The following ILDR2 variants were observed in gnomAD, a reference collection of about 807,000 sequenced individuals.
ILDR2 encodes the protein immunoglobulin like domain containing receptor 2.
ILDR2 carries 25 observed loss-of-function variants against 66.8 expected under a neutral mutation model. The ratio of observed to expected loss-of-function variants is 0.37; its 90% confidence interval spans 0.27 to 0.52. The LOEUF (loss-of-function observed/expected upper bound fraction) is 0.52, where lower values mean the gene tolerates loss of function less well. Ranked by LOEUF, ILDR2 falls within the 20% of genes least tolerant of loss-of-function variation. ILDR2 has a pLI of 0.88. For missense variants in ILDR2, 827 were observed against 876.8 expected, an observed-to-expected ratio of 0.94 and a Z score of 0.72; for synonymous variants, 367 against 357.2, an observed-to-expected ratio of 1.03 and a Z score of -0.31.
At chr1:166,897,871 A>G (rs1343511120) in intron 2 of ILDR2, among the ~76,000 whole-genome samples, 3 of 152,214 alleles carry the variant, frequency 2.0e-5, no homozygotes, top group Non-Finnish European at 2.9e-5. Flanking sequence ...AAGTTGTTCT[A>G]ATAAATTATT....
intron 6 of ILDR2, among the ~76,000 whole-genome samples, chr1:166,928,845 A>T (rs1216470887): frequency 6.6e-6 from 1 of 152,198 alleles, no homozygotes; most frequent in Non-Finnish European, 1.5e-5. Flanking sequence ...AAAATTAATG[A>T]ATCTCAGCAC....
At chr1:166,940,380 C>T (rs1661237216) in intron 3 of ILDR2, among the ~76,000 whole-genome samples, 1 of 152,144 alleles carries the variant, frequency 6.6e-6, no homozygotes, top group Admixed American at 6.5e-5. Context: ...ATGATGAATG[C>T]TTTCATCATG....
In ILDR2 at chr1:166,918,817, TTTTGA is replaced by T. The variant is rs1659740114; in HGVS notation, c.*533_*537del. 6.4e-6 allele frequency: 1 copy of T among 157,470 alleles called. No homozygotes were observed. The highest frequency in any genetic ancestry group is 6.5e-5 in the Admixed American group (1 of 15,432). 9.8% of individuals were successfully genotyped at this position (157,470 alleles called of 1,614,324 possible). On this transcript the variant is annotated 3_prime_UTR_variant, in exon 10 of 10. Transcript: ENST00000271417. ...ACTGTCACTGAGCTCACCAAAGGCCTTTTGATTTTAGTGTAACAACAGTCATTGAC... is the reference window on the plus strand; with the variant it reads ...ACTGTCACTGAGCTCACCAAAGGCCTTTTTAGTGTAACAACAGTCATTGAC...
downstream of ILDR2, among the ~76,000 whole-genome samples, chr1:166,905,092 G>A (rs118174409): frequency 3.3e-5 from 5 of 152,298 alleles, no homozygotes; most frequent in East Asian, 9.6e-4. Context: ...AAAGGGGATT[G>A]TATTCATAAT....
chr1:166,945,390 G>A (rs990006343), intron 3 of ILDR2, among the ~76,000 whole-genome samples: 2 of 152,174 alleles, frequency 1.3e-5, no homozygotes, highest in Non-Finnish European at 2.9e-5. Context: ...ACATTCACAC[G>A]CTTTGGATTA....
In ILDR2 at chr1:166,910,758, TAA is replaced by T. The variant is rs1360422240; in HGVS notation, c.*8595_*8596del. ...TTAGGATGTCTCTGCCAAGATTTTC[TAA>T]GAGAACCTGAAATTAGCCTACTTCT... On this transcript the variant is annotated 3_prime_UTR_variant, in exon 10 of 10. Transcript: ENST00000271417. 2.0e-5 allele frequency: 3 copies of T among 152,270 alleles called. No homozygotes were observed. The highest frequency in any genetic ancestry group is 1.3e-4 in the Admixed American group (2 of 15,288). 9.4% of individuals were successfully genotyped at this position (152,270 alleles called of 1,614,324 possible). A position where few individuals can be genotyped will look rare whatever the true frequency, so the allele number is the denominator to read the frequency against.
At chr1:166,964,139 T>TAA (rs71073632) in intron 1 of ILDR2, among the ~76,000 whole-genome samples, 3,851 of 142,062 alleles carry the variant, frequency 0.027, 164 homozygotes, top group African/African-American at 0.094. Context: ...AATCTAAAAA[T>TAA]AAAAAAAAAA....
Position 166,912,969 on chromosome 1 carries a change from A to T in ILDR2, c.*6386T>A, listed in dbSNP as rs953858571. On this transcript the variant is annotated 3_prime_UTR_variant, in exon 10 of 10. Coordinates refer to ENST00000271417, the MANE Select transcript of ILDR2 (RefSeq NM_199351.3). Reference sequence around the variant, plus strand: ...TCCTTCTGAATGTTACAGTCTGTGGAGAGCAGTAAGAGTGACAACAGAATT... The same window carrying T: ...TCCTTCTGAATGTTACAGTCTGTGGTGAGCAGTAAGAGTGACAACAGAATT... 3.3e-5 allele frequency: 5 copies of T among 152,174 alleles called. No homozygotes were observed. Among genetic ancestry groups the T allele is most frequent in the African/African-American group, 1.2e-4 (5 of 41,440 alleles). The allele number at this position is 152,174 out of a possible 1,614,324, so 9.4% of individuals were successfully genotyped here.
rs1218826255 is a variant in ILDR2 at position 166,935,393 on chromosome 1, G to A, written c.788C>T (p.Pro263Leu). 1.1e-5 allele frequency: 17 copies of A among 1,613,888 alleles called. No individual in the cohort carries two copies. In the East Asian group the frequency reaches 3.8e-4, roughly 36 times the overall value. Reference protein sequence around the residue: ...VPGPYSIPSVPLGGAPSSGML... With the variant: ...VPGPYSIPSVLLGGAPSSGML... ...GCCAGATGAGGGGGCTCCTCCCAAA[G>A]GGACAGAGGGGATGGAGTAAGGGCC... The change falls in exon 6 of 10, where the codon CCT becomes CTT. Residue 263 changes from proline to leucine, a missense_variant. Transcript: ENST00000271417.
chr1:166,900,934 T>C (rs1041790605), intron 2 of ILDR2, among the ~76,000 whole-genome samples: 8 of 152,186 alleles, frequency 5.3e-5, no homozygotes, highest in African/African-American at 1.9e-4. Flanking sequence ...ACCTTCTCCA[T>C]TCGACTTTTG....
rs1557921377 is a variant in ILDR2 at position 166,909,781 on chromosome 1, T to TATATATATATATATATA, written c.*9573_*9574insTATATATATATATATAT. ...TATAAATATATATAAATATATATAT[T>TATATATATATATATATA]TATATATATATATATATATATATAT... is the stretch of plus-strand genomic sequence containing the variant. On this transcript the variant is annotated 3_prime_UTR_variant, in exon 10 of 10. Transcript: ENST00000271417. 9.3e-5 allele frequency: 6 copies of TATATATATATATATATA among 64,244 alleles called. No homozygotes were observed. Among genetic ancestry groups the TATATATATATATATATA allele is most frequent in the Non-Finnish European group, 1.1e-4 (4 of 34,828 alleles). The allele number at this position is 64,244 out of a possible 1,614,324, so 4.0% of individuals were successfully genotyped here.
chr1:166,936,565 G>A lies in ILDR2; in HGVS notation c.703+26C>T. Reference sequence around the variant, plus strand: ...GGTAGACATTTCTCTCGATCGCTCTGTCTCCCCAGCGGTCACTGTACTCAC... The same window carrying A: ...GGTAGACATTTCTCTCGATCGCTCTATCTCCCCAGCGGTCACTGTACTCAC... On this transcript the variant is annotated intron_variant, in intron 5 of 9. Transcript: ENST00000271417. The surrounding 1 kb of genome is among the most constrained non-coding windows in gnomAD (Gnocchi z 5.0). The A allele has an allele frequency of 1.2e-6, 2 of 1,614,030 alleles. No individual in the cohort carries two copies. The highest frequency in any genetic ancestry group is 1.7e-6 in the Non-Finnish European group (2 of 1,179,968).
At chr1:166,957,254 T>C (rs913434104) in intron 2 of ILDR2, among the ~76,000 whole-genome samples, 1 of 152,232 alleles carries the variant, frequency 6.6e-6, no homozygotes, top group Admixed American at 6.5e-5. Context: ...ATCGGACTCT[T>C]GGGACCTTTT....
intron 1 of ILDR2, among the ~76,000 whole-genome samples, chr1:166,958,791 T>G (rs1026725234): frequency 6.6e-6 from 1 of 152,208 alleles, no homozygotes; most frequent in African/African-American, 2.4e-5. Context: ...ATTACAATAA[T>G]CTTTTGTTTG....
At position 166,920,823 on chromosome 1, in the gene ILDR2, C is replaced by CGTCGTCGGACGCGTCCTCCTG; in HGVS notation, c.1747_1767dup (p.Gln583_Asp589dup). The CGTCGTCGGACGCGTCCTCCTG allele has an allele frequency of 6.6e-7, 1 of 1,520,324 alleles. No homozygotes were observed. The allele number at this position is 1,520,324 out of a possible 1,614,324, so 94.2% of individuals were successfully genotyped here. ...TCCAGCTCGCTGTAGGGCGGCAGCG[C>CGTCGTCGGACGCGTCCTCCTG]GTCGTCGGACGCGTCCTCCTGGTCG... On this transcript the variant is annotated inframe_insertion, in exon 9 of 10. Transcript: ENST00000271417.
chr1:166,957,734 C>T (rs754703609), intron 2 of ILDR2, 35 bp downstream of exon 2: 6 of 1,541,580 alleles, frequency 3.9e-6, no homozygotes, highest in Non-Finnish European at 5.3e-6. Flanking sequence ...TAACCTCCCT[C>T]CCATTTCCTA....
At chr1:166,919,848 C>T (rs1305710308) in intron 9 of ILDR2, among the ~76,000 whole-genome samples, 2 of 152,110 alleles carry the variant, frequency 1.3e-5, no homozygotes, top group Admixed American at 6.5e-5. Flanking sequence ...CTAAAGAAAA[C>T]GTCCAGCTTG....
intron 1 of ILDR2, among the ~76,000 whole-genome samples, chr1:166,961,942 G>A (rs1045134171): frequency 2.0e-5 from 3 of 152,156 alleles, no homozygotes; most frequent in African/African-American, 4.8e-5. Context: ...AACCCTGCAC[G>A]TGTATGCACA....
Position 166,920,786 on chromosome 1 carries a change from C to A in ILDR2, c.1805G>T (p.Gly602Val), listed in dbSNP as rs1333677851. ...PPYSELELTR[G>V]PSYRGRDLPY... The stretch of plus-strand genomic sequence containing the variant: ...CAGGTCGCGGCCGCGGTAGGACGGG[C>A]CGCGGGTCAGCTCCAGCTCGCTGTA... The change falls in exon 9 of 10, where the codon GGC becomes GTC. Residue 602 changes from glycine (G) to valine (V), a missense_variant. Gly to Val is a moderately radical substitution (Grantham distance 109). Coordinates refer to ENST00000271417, the MANE Select transcript of ILDR2 (RefSeq NM_199351.3). 1 of 1,526,358 alleles carries A rather than the reference C, an allele frequency of 6.6e-7. No individual in the cohort carries two copies. Among genetic ancestry groups the A allele is most frequent in the Non-Finnish European group, 8.8e-7 (1 of 1,137,726 alleles). The allele number at this position is 1,526,358 out of a possible 1,614,324, so 94.6% of individuals were successfully genotyped here.
Sources: gnomAD v4.1 joint callset for allele counts (sites outside exome capture counted in the v4.1 genomes callset) on GRCh38, gnomAD v4.1.1 for gene constraint, Gnocchi (gnomAD v3.1) non-coding constraint, MANE v1.5 for transcripts, NCBI Gene and HGNC (gene_info 2026-07-23, HGNC 2026-07-21) for gene names.